The following SPIDR variants were observed in gnomAD, a reference collection of about 807,000 sequenced individuals.
The protein encoded by SPIDR is scaffold protein involved in DNA repair, also known as DNA repair-scaffolding protein.
Under a neutral mutation model 104.6 loss-of-function variants are expected in SPIDR, and 93 were observed. The ratio of observed to expected loss-of-function variants is 0.89; its 90% confidence interval spans 0.75 to 1.06. The LOEUF is 1.06. SPIDR is among the 50% of genes least tolerant of loss of function. The pLI is 0.00. For missense variants in SPIDR, 1,154 were observed against 1,111.2 expected (o/e 1.04, Z -0.55); for synonymous variants, 431 against 416.9 (o/e 1.03, Z -0.41).
At chr8:47,544,171 G>A (rs1009452380) in intron 8 of SPIDR, among the ~76,000 whole-genome samples, 4 of 151,908 alleles carry the variant, frequency 2.6e-5, no homozygotes, top group Non-Finnish European at 5.9e-5. Context: ...CTTTTCATGT[G>A]CTCATTTGCC....
intron 8 of SPIDR, among the ~76,000 whole-genome samples, chr8:47,470,534 TC>T (rs2075544640): frequency 6.6e-6 from 1 of 151,966 alleles, no homozygotes; most frequent in Non-Finnish European, 1.5e-5. Context: ...TCTGCCCACC[TC>T]AGCCTCCCAA....
At chr8:47,480,947 C>G (rs1282015896) in intron 8 of SPIDR, among the ~76,000 whole-genome samples, 2 of 152,214 alleles carry the variant, frequency 1.3e-5, no homozygotes, top group African/African-American at 2.4e-5. Context: ...AAAGCAACCA[C>G]TCTTTGTTAT....
chr8:47,466,932 GAT>G (rs2074945487), intron 8 of SPIDR, among the ~76,000 whole-genome samples: 2 of 139,772 alleles, frequency 1.4e-5, no homozygotes, highest in Non-Finnish European at 3.1e-5. Context: ...TAGATAGATA[GAT>G]AGATAGATAG....
intron 8 of SPIDR, among the ~76,000 whole-genome samples, chr8:47,548,097 T>G (rs572797472): frequency 2.0e-5 from 3 of 152,346 alleles, no homozygotes; most frequent in Non-Finnish European, 4.4e-5. Flanking sequence ...TCATAGATAT[T>G]TTGGAGTGTG....
intron 7 of SPIDR, among the ~76,000 whole-genome samples, chr8:47,411,366 A>G (rs2154326908): frequency 6.6e-6 from 1 of 152,322 alleles, no homozygotes; most frequent in Non-Finnish European, 1.5e-5. Context: ...CTGGTGTGAC[A>G]TGGTATCTCA....
chr8:47,661,045 G>C (rs185559912), intron 10 of SPIDR: 13 of 837,150 alleles, frequency 1.6e-5, no homozygotes, highest in Non-Finnish European at 1.4e-5. Flanking sequence ...GTGTCATGTG[G>C]TGCCTGCTCC....
At position 47,621,777 on chromosome 8, in the gene SPIDR, C is replaced by T. The variant is rs139408287; in HGVS notation, c.1544+22581C>T. 5.7e-3 allele frequency among the ~76,000 whole-genome samples: 875 copies of T among 152,274 alleles called. 5 individuals carry two copies. The highest frequency in any genetic ancestry group is 0.027 in the Middle Eastern group (8 of 292). On this transcript the variant is annotated intron_variant, in intron 10 of 19. Coordinates refer to ENST00000297423, the MANE Select transcript of SPIDR (RefSeq NM_001080394.4). ...TCACCTGAGGTCAGGAGTTCAATAC[C>T]AGTCTGGCCAACATGGTGAAACCCT...
intron 11 of SPIDR, among the ~76,000 whole-genome samples, chr8:47,684,448 C>T (rs1344660008): frequency 6.6e-6 from 1 of 152,104 alleles, no homozygotes; most frequent in African/African-American, 2.4e-5. Context: ...ATTCACAGCT[C>T]TGGCTTTAGA....
At chr8:47,281,946 ATCCATAG>A (rs1282101799) in intron 2 of SPIDR, among the ~76,000 whole-genome samples, 3 of 152,230 alleles carry the variant, frequency 2.0e-5, no homozygotes, top group Admixed American at 2.0e-4. Context: ...TCACCCCATG[ATCCATAG>A]TCTGCAGAAT....
At chr8:47,522,194 GA>G (rs961500543) in intron 8 of SPIDR, among the ~76,000 whole-genome samples, 2 of 149,706 alleles carry the variant, frequency 1.3e-5, no homozygotes, top group Non-Finnish European at 3.0e-5. Flanking sequence ...AAAAAGAAAA[GA>G]AAAAAAGAAA....
At chr8:47,721,651 A>G (rs1167026928) in intron 16 of SPIDR, among the ~76,000 whole-genome samples, 1 of 150,650 alleles carries the variant, frequency 6.6e-6, no homozygotes, top group South Asian at 2.1e-4. Flanking sequence ...TTTTTTTTGT[A>G]TTTTTAGTAG....
chr8:47,646,467 T>C (rs143090351), intron 10 of SPIDR, among the ~76,000 whole-genome samples: 1 of 152,330 alleles, frequency 6.6e-6, no homozygotes, highest in East Asian at 1.9e-4. Flanking sequence ...AATACAAGCT[T>C]ATTCCTTGCC....
intron 4 of SPIDR, 41 bp downstream of exon 4, chr8:47,291,178 G>C: frequency 1.5e-6 from 2 of 1,371,714 alleles, no homozygotes; most frequent in South Asian, 2.6e-5. Flanking sequence ...TTTGTAACAG[G>C]AACATATTGT....
chr8:47,494,292 AT>A (rs34699907), intron 8 of SPIDR, among the ~76,000 whole-genome samples: 419 of 140,934 alleles, frequency 3.0e-3, no homozygotes, highest in African/African-American at 4.3e-3. Flanking sequence ...CTGGCCTAGA[AT>A]TTTTTTTTTT....
intron 8 of SPIDR, among the ~76,000 whole-genome samples, chr8:47,449,790 T>C (rs2071358394): frequency 6.6e-6 from 1 of 152,146 alleles, no homozygotes; most frequent in Non-Finnish European, 1.5e-5. Context: ...GGAAGTGAAG[T>C]TAGATGACGC....
intron 5 of SPIDR, among the ~76,000 whole-genome samples, chr8:47,345,773 T>C (rs1232698965): frequency 6.6e-6 from 1 of 152,192 alleles, no homozygotes; most frequent in East Asian, 1.9e-4. Context: ...TTGTCTCTTA[T>C]TGGTGTATAG....
chr8:47,260,982 G>T lies in SPIDR; in HGVS notation c.24G>T (p.Arg8=). The change falls in exon 1 of 20, where the codon CGG becomes CGT. Residue 8 remains arginine (R), a synonymous_variant. Transcript: ENST00000297423. Reference sequence around the variant, plus strand: ...AGATGCCCCGCGGCAGCCGCGCTCGGGGCTCTAAGGTAGGCTCTGGGGCGG... The same window carrying T: ...AGATGCCCCGCGGCAGCCGCGCTCGTGGCTCTAAGGTAGGCTCTGGGGCGG... MPRGSRA[R]GSKRKRSWNT... 2 of 1,230,484 alleles carry T rather than the reference G, an allele frequency of 1.6e-6. No homozygotes were observed. Among genetic ancestry groups the T allele is most frequent in the Non-Finnish European group, 2.0e-6 (2 of 986,902 alleles). The allele number at this position is 1,230,484 out of a possible 1,614,324, so 76.2% of individuals were successfully genotyped here. A position where few individuals can be genotyped will look rare whatever the true frequency, so the allele number is the denominator to read the frequency against.
intron 1 of SPIDR, among the ~76,000 whole-genome samples, chr8:47,272,381 G>T (rs1407413795): frequency 6.6e-6 from 1 of 152,118 alleles, no homozygotes; most frequent in Non-Finnish European, 1.5e-5. Flanking sequence ...TTTGTTGTTG[G>T]TGCTATAATT....
At chr8:47,319,950 G>A (rs553382790) in intron 5 of SPIDR, among the ~76,000 whole-genome samples, 11 of 151,922 alleles carry the variant, frequency 7.2e-5, no homozygotes, top group Middle Eastern at 6.8e-3. Flanking sequence ...TCAAAGCAGT[G>A]TGTAGAGGGA....
Sources: gnomAD v4.1 joint callset for allele counts (sites outside exome capture counted in the v4.1 genomes callset) on GRCh38, gnomAD v4.1.1 for gene constraint, MANE v1.5 for transcripts, NCBI Gene and HGNC (gene_info 2026-07-23, HGNC 2026-07-21) for gene names.